ARHGAP15: variants seen among roughly 807,000 people sequenced by gnomAD.
ARHGAP15 encodes the protein Rho GTPase activating protein 15.
Under a neutral mutation model 63.7 loss-of-function variants are expected in ARHGAP15, and 51 were observed. That is an observed-to-expected ratio of 0.80 (90% CI 0.64 to 1.01). ARHGAP15 has a LOEUF of 1.01. Among genes scored for constraint, ARHGAP15 ranks in the 50% least tolerant of loss-of-function variants. The probability of loss-of-function intolerance (pLI) is 0.00; values close to 1 mark genes in which losing one functional copy is unlikely to be tolerated. For missense variants in ARHGAP15, 560 were observed against 564.6 expected, an observed-to-expected ratio of 0.99 and a Z score of 0.08; for synonymous variants, 191 against 193.8, an observed-to-expected ratio of 0.99 and a Z score of 0.12.
At chr2:143,618,086 G>A (rs1005523534) in intron 11 of ARHGAP15, among the ~76,000 whole-genome samples, 1 of 152,122 alleles carries the variant, frequency 6.6e-6, no homozygotes, top group African/African-American at 2.4e-5. Context: ...TTTGGCACAG[G>A]GTGACATCAC....
At chr2:143,365,201 A>G (rs1051716055) in intron 6 of ARHGAP15, among the ~76,000 whole-genome samples, 16 of 152,140 alleles carry the variant, frequency 1.1e-4, no homozygotes, top group African/African-American at 3.9e-4. Flanking sequence ...TTATGACCCT[A>G]TCTCCTATAC....
At chr2:143,348,933 G>A (rs1018108031) in intron 6 of ARHGAP15, among the ~76,000 whole-genome samples, 3 of 152,060 alleles carry the variant, frequency 2.0e-5, no homozygotes, top group East Asian at 1.9e-4. Context: ...TCTATGAATC[G>A]CCTCCTGATT....
intron 12 of ARHGAP15, among the ~76,000 whole-genome samples, chr2:143,629,054 T>C (rs1698957828): frequency 6.6e-6 from 1 of 152,148 alleles, no homozygotes; most frequent in Non-Finnish European, 1.5e-5. Flanking sequence ...ATGCTATTTC[T>C]AGTACAAGCA....
intron 2 of ARHGAP15, among the ~76,000 whole-genome samples, chr2:143,200,066 C>T (rs2105108782): frequency 6.6e-6 from 1 of 152,198 alleles, no homozygotes. Context: ...GGTAAACAGC[C>T]AACAGTCACT....
intron 12 of ARHGAP15, among the ~76,000 whole-genome samples, chr2:143,690,461 C>G (rs1390540454): frequency 2.0e-5 from 3 of 152,144 alleles, no homozygotes; most frequent in African/African-American, 7.2e-5. Flanking sequence ...TACTTCTTTA[C>G]AGTTGCTGTT....
At chr2:143,408,031 A>ATATC (rs1558950738) in intron 6 of ARHGAP15, among the ~76,000 whole-genome samples, 1 of 120,042 alleles carries the variant, frequency 8.3e-6, no homozygotes, top group Non-Finnish European at 1.8e-5. Context: ...ATATATATAT[A>ATATC]TCCTTTTTCC....
chr2:143,438,230 C>T (rs1251287475), intron 8 of ARHGAP15, among the ~76,000 whole-genome samples: 2 of 150,978 alleles, frequency 1.3e-5, no homozygotes, highest in Non-Finnish European at 2.9e-5. Flanking sequence ...TTGAGAAGAG[C>T]TGCTAATGGA....
chr2:143,272,606 T>C (rs546405509), intron 6 of ARHGAP15, among the ~76,000 whole-genome samples: 1 of 152,252 alleles, frequency 6.6e-6, no homozygotes, highest in Admixed American at 6.5e-5. Context: ...TGAGCCGAAA[T>C]TGCGCCACTG....
rs1682668589 is a variant in ARHGAP15, at chr2:143,673,756, G to GTGTGTGTATATATATATA, written c.1139-29660_1139-29659insGTGTATATATATATATGT. Among the ~76,000 whole-genome samples the GTGTGTGTATATATATATA allele has an allele frequency of 2.8e-3, 88 of 30,950 alleles. 1 individual carries two copies. Among genetic ancestry groups the GTGTGTGTATATATATATA allele is most frequent in the African/African-American group, 6.1e-3 (87 of 14,198 alleles). The allele number at this position is 30,950 out of a possible 152,430, so 20.3% of individuals were successfully genotyped here. On this transcript the variant is annotated intron_variant, in intron 12 of 13. Transcript: ENST00000295095. ...TGTGTGTGTGTGTGTGTGTGTGTGT[G>GTGTGTGTATATATATATA]TGTATATATATATATATATATATAT...
intron 4 of ARHGAP15, among the ~76,000 whole-genome samples, chr2:143,227,654 C>T (rs752566990): frequency 6.6e-6 from 1 of 152,082 alleles, no homozygotes. Context: ...TTATGGTCTG[C>T]ATTAAAACCT....
chr2:143,315,821 G>A (rs1158186011), intron 6 of ARHGAP15, among the ~76,000 whole-genome samples: 9 of 149,090 alleles, frequency 6.0e-5, no homozygotes, highest in East Asian at 1.9e-4. Flanking sequence ...GCAGTGGCTC[G>A]GGCCTGTAAT....
intron 6 of ARHGAP15, among the ~76,000 whole-genome samples, chr2:143,255,025 T>C (rs1680350243): frequency 6.6e-6 from 1 of 152,112 alleles, no homozygotes; most frequent in Non-Finnish European, 1.5e-5. Context: ...AATTAAATCA[T>C]TTTTACTCTA....
At chr2:143,340,282 A>G (rs79242846) in intron 6 of ARHGAP15, among the ~76,000 whole-genome samples, 2,896 of 151,378 alleles carry the variant, frequency 0.019, 96 homozygotes, top group African/African-American at 0.066. Context: ...ACCAGTAATA[A>G]ACCAGGCAAA....
intron 8 of ARHGAP15, among the ~76,000 whole-genome samples, chr2:143,448,763 C>T (rs1258743556): frequency 1.3e-5 from 2 of 151,764 alleles, no homozygotes; most frequent in African/African-American, 4.8e-5. Context: ...CACCTAGGAG[C>T]TTGTTAGTAA....
At chr2:143,380,408 G>T (rs887412337) in intron 6 of ARHGAP15, among the ~76,000 whole-genome samples, 1 of 152,104 alleles carries the variant, frequency 6.6e-6, no homozygotes, top group Non-Finnish European at 1.5e-5. Context: ...GACTATAAAA[G>T]TGACTGTAAG....
At chr2:143,751,637 T>A (rs1226872319) in intron 13 of ARHGAP15, among the ~76,000 whole-genome samples, 1 of 152,128 alleles carries the variant, frequency 6.6e-6, no homozygotes, top group Non-Finnish European at 1.5e-5. Flanking sequence ...ACTCCCCTCA[T>A]CCTCAACAAT....
intron 6 of ARHGAP15, among the ~76,000 whole-genome samples, chr2:143,384,769 G>C (rs1687202383): frequency 1.3e-5 from 2 of 152,220 alleles, no homozygotes; most frequent in Non-Finnish European, 2.9e-5. Context: ...AGACATGAAG[G>C]CTCCTTGAAA....
intron 4 of ARHGAP15, among the ~76,000 whole-genome samples, chr2:143,225,455 G>C (rs1391760945): frequency 6.6e-6 from 1 of 152,108 alleles, no homozygotes; most frequent in Admixed American, 6.5e-5. Context: ...CAAAAAATTA[G>C]CCGGGCGTGT....
chr2:143,475,561 C>CT (rs1691773732), intron 8 of ARHGAP15, among the ~76,000 whole-genome samples: 1 of 152,276 alleles, frequency 6.6e-6, no homozygotes, highest in African/African-American at 2.4e-5. Flanking sequence ...GGCTACCACT[C>CT]TGACAACCAA....
Sources: allele counts gnomAD v4.1 joint callset (sites outside exome capture counted in the v4.1 genomes callset), GRCh38; gene constraint gnomAD v4.1.1; transcripts MANE v1.5; gene names NCBI Gene and HGNC (gene_info 2026-07-23, HGNC 2026-07-21).